The following KLF12 variants were observed in gnomAD, a reference collection of about 807,000 sequenced individuals.
KLF12 encodes Krueppel-like factor 12.
In KLF12, 9 loss-of-function variants were observed where a neutral mutation model predicts 37.8. That is an observed-to-expected ratio of 0.24 (90% CI 0.14 to 0.42). The LOEUF (loss-of-function observed/expected upper bound fraction) is 0.42, where lower values mean the gene tolerates loss of function less well. Among genes scored for constraint, KLF12 ranks in the 10% least tolerant of loss-of-function variants. The probability of loss-of-function intolerance (pLI) is 1.00; values close to 1 mark genes in which losing one functional copy is unlikely to be tolerated. For synonymous variants in KLF12, 208 were observed against 202.1 expected (o/e 1.03, Z -0.25); for missense variants, 411 against 516.0 (o/e 0.80, Z 1.97).
chr13:73,975,648 A>G (rs923403234), intron 2 of KLF12, among the ~76,000 whole-genome samples: 9 of 152,162 alleles, frequency 5.9e-5, no homozygotes, highest in Non-Finnish European at 8.8e-5. Flanking sequence ...TTCTTAGGTT[A>G]TAAGTCTCAT....
chr13:73,742,576 C>T (rs192703105), intron 6 of KLF12, among the ~76,000 whole-genome samples: 2 of 152,186 alleles, frequency 1.3e-5, no homozygotes, highest in Admixed American at 6.5e-5. Context: ...TTTACATTCC[C>T]CTTCCGCCCT....
At chr13:74,096,640 T>C (rs1410654821) in intron 1 of KLF12, among the ~76,000 whole-genome samples, 1 of 152,196 alleles carries the variant, frequency 6.6e-6, no homozygotes, top group Non-Finnish European at 1.5e-5. Context: ...AACTAGGTAA[T>C]ACCTATGACG....
intron 3 of KLF12, among the ~76,000 whole-genome samples, chr13:73,903,648 A>G (rs114772541): frequency 0.047 from 7,109 of 152,210 alleles, 380 homozygotes; most frequent in African/African-American, 0.13. Context: ...CACAATCTTC[A>G]ACTACTCTTG....
intron 1 of KLF12, among the ~76,000 whole-genome samples, chr13:74,103,035 T>G (rs567371039): frequency 6.6e-6 from 1 of 152,350 alleles, no homozygotes; most frequent in African/African-American, 2.4e-5. Context: ...TATTTATGGA[T>G]GACAGGCATC....
At chr13:73,876,960 A>G (rs1303005332) in intron 3 of KLF12, among the ~76,000 whole-genome samples, 1 of 151,798 alleles carries the variant, frequency 6.6e-6, no homozygotes, top group African/African-American at 2.4e-5. Flanking sequence ...CGTTGCAGTG[A>G]GCAGAGACCG....
At chr13:73,740,109 A>C (rs1201964347) in intron 6 of KLF12, among the ~76,000 whole-genome samples, 1 of 152,228 alleles carries the variant, frequency 6.6e-6, no homozygotes, top group Non-Finnish European at 1.5e-5. Flanking sequence ...AAATTTTCAC[A>C]GCAAGAACAC....
At chr13:74,152,904 A>G in the KLF12 span, among the ~76,000 whole-genome samples, 3 of 147,300 alleles carry the variant, frequency 2.0e-5, no homozygotes, top group Non-Finnish European at 1.5e-5. Flanking sequence ...AATAATAATA[A>G]TAATAATAAT....
At chr13:73,777,836 T>A (rs969301569) in intron 5 of KLF12, among the ~76,000 whole-genome samples, 13 of 151,138 alleles carry the variant, frequency 8.6e-5, no homozygotes, top group Non-Finnish European at 1.5e-5. Context: ...GTCTTTTTTT[T>A]AAAGAAAACA....
At chr13:73,990,799 T>C (rs1891948515) in intron 2 of KLF12, among the ~76,000 whole-genome samples, 1 of 152,090 alleles carries the variant, frequency 6.6e-6, no homozygotes, top group Admixed American at 6.5e-5. Context: ...TTTTTTTCAT[T>C]CCATCAGAAG....
At chr13:74,096,311 CCTTTCA>C (rs1325045951) in intron 1 of KLF12, among the ~76,000 whole-genome samples, 5 of 152,152 alleles carry the variant, frequency 3.3e-5, no homozygotes, top group Non-Finnish European at 7.4e-5. Context: ...ACCCACTGCC[CCTTTCA>C]CTGATATTCA....
chr13:73,765,770 C>T (rs576722845), intron 5 of KLF12, among the ~76,000 whole-genome samples: 258 of 152,232 alleles, frequency 1.7e-3, no homozygotes, highest in African/African-American at 6.0e-3. Flanking sequence ...GCCCTACTTC[C>T]GGCTGCCAGC....
chr13:73,947,375 G>A (rs1890472600), intron 2 of KLF12, among the ~76,000 whole-genome samples: 1 of 152,144 alleles, frequency 6.6e-6, no homozygotes, highest in African/African-American at 2.4e-5. Flanking sequence ...CAATGGCCGG[G>A]CGTGGTGGCT....
the KLF12 span, among the ~76,000 whole-genome samples, chr13:74,152,081 A>T: frequency 1.3e-5 from 2 of 152,138 alleles, no homozygotes; most frequent in African/African-American, 4.8e-5. Context: ...ATATAAATAG[A>T]TGCTCTGGAT....
At chr13:73,894,031 C>T (rs1887639082) in intron 3 of KLF12, among the ~76,000 whole-genome samples, 1 of 152,050 alleles carries the variant, frequency 6.6e-6, no homozygotes, top group South Asian at 2.1e-4. Context: ...GTAACTACTG[C>T]CAAAAAAGGC....
the KLF12 span, among the ~76,000 whole-genome samples, chr13:74,166,382 G>A: frequency 2.6e-5 from 4 of 152,210 alleles, no homozygotes; most frequent in South Asian, 6.2e-4. Flanking sequence ...ACGATCCACT[G>A]TGCCTGGCCA....
chr13:73,922,130 T>G (rs1889144659), intron 3 of KLF12, among the ~76,000 whole-genome samples: 1 of 152,138 alleles, frequency 6.6e-6, no homozygotes, highest in Non-Finnish European at 1.5e-5. Flanking sequence ...CTAGTTTCAA[T>G]GAAACTATTT....
chr13:73,906,853 A>G (rs1262771276), intron 3 of KLF12, among the ~76,000 whole-genome samples: 1 of 152,202 alleles, frequency 6.6e-6, no homozygotes, highest in East Asian at 1.9e-4. Context: ...AAAACTGTTT[A>G]GCCCATCTCA....
At chr13:74,087,020 T>C (rs1156725813) in intron 1 of KLF12, among the ~76,000 whole-genome samples, 2 of 152,084 alleles carry the variant, frequency 1.3e-5, no homozygotes, top group East Asian at 3.9e-4. Context: ...GAGGTGGAAA[T>C]ATATCCACAT....
the KLF12 span, among the ~76,000 whole-genome samples, chr13:74,165,307 T>C: frequency 2.7e-5 from 4 of 146,160 alleles, no homozygotes; most frequent in Admixed American, 1.4e-4. Context: ...TTCTTTTTTT[T>C]TTTTTTTTTT....
Sources: allele counts gnomAD v4.1 joint callset (sites outside exome capture counted in the v4.1 genomes callset), GRCh38; gene constraint gnomAD v4.1.1; transcripts MANE v1.5; gene names NCBI Gene and HGNC (gene_info 2026-07-23, HGNC 2026-07-21).